The following KCNIP4 variants were observed in gnomAD, a reference collection of about 807,000 sequenced individuals.
KCNIP4 encodes the protein potassium voltage-gated channel interacting protein 4.
In KCNIP4, 12 loss-of-function variants were observed where a neutral mutation model predicts 34.0. That is an observed-to-expected ratio of 0.35 (90% CI 0.23 to 0.57). The LOEUF is 0.57. Among genes scored for constraint, KCNIP4 ranks in the 20% least tolerant of loss-of-function variants. KCNIP4 has a pLI of 0.83. For synonymous variants in KCNIP4, 124 were observed against 102.2 expected (o/e 1.21, Z -1.29); for missense variants, 238 against 311.7 (o/e 0.76, Z 1.78).
At chr4:21,488,504 G>C (rs182160207) in intron 1 of KCNIP4, among the ~76,000 whole-genome samples, 2 of 152,016 alleles carry the variant, frequency 1.3e-5, no homozygotes, top group African/African-American at 4.8e-5. Context: ...CAAATGAAAT[G>C]TCACAAAATT....
At chr4:21,528,544 A>G (rs999444888) in intron 1 of KCNIP4, among the ~76,000 whole-genome samples, 2 of 151,426 alleles carry the variant, frequency 1.3e-5, no homozygotes, top group African/African-American at 2.4e-5. Context: ...GCGGGCGCCT[A>G]TAGTCCCAGC....
chr4:20,857,044 TA>T (rs35194977), intron 2 of KCNIP4, among the ~76,000 whole-genome samples: 49,108 of 135,434 alleles, frequency 0.36, 8,505 homozygotes, highest in Middle Eastern at 0.43. Context: ...CATGCAGTAT[TA>T]AAAAAAAAAA....
In KCNIP4 at chr4:21,581,540, A is replaced by G. The variant is rs190269838; in HGVS notation, c.61+367031T>C. On this transcript the variant is annotated intron_variant, in intron 1 of 8. Transcript: ENST00000382152. Reference sequence around the variant, plus strand: ...AAGTCTCTGTAGAATCGGGAAAAGTATTTTCAAAGCCTCTGCTCCTTCATC... The same window carrying G: ...AAGTCTCTGTAGAATCGGGAAAAGTGTTTTCAAAGCCTCTGCTCCTTCATC... 7.8e-4 allele frequency among the ~76,000 whole-genome samples: 118 copies of G among 152,106 alleles called. 1 individual carries two copies. Among genetic ancestry groups the G allele is most frequent in the African/African-American group, 2.7e-3 (114 of 41,548 alleles).
At chr4:20,993,128 G>A (rs528236749) in intron 1 of KCNIP4, among the ~76,000 whole-genome samples, 54 of 151,786 alleles carry the variant, frequency 3.6e-4, no homozygotes, top group Admixed American at 2.8e-3. Context: ...CACTCTCTAA[G>A]GGCTACCTAT....
intron 1 of KCNIP4, among the ~76,000 whole-genome samples, chr4:21,796,328 C>T (rs145424854): frequency 6.6e-6 from 1 of 152,140 alleles, no homozygotes; most frequent in Non-Finnish European, 1.5e-5. Context: ...TTTCTCCCCT[C>T]CCTGTAAGTC....
chr4:21,590,195 C>T (rs1742082473), intron 1 of KCNIP4, among the ~76,000 whole-genome samples: 1 of 151,948 alleles, frequency 6.6e-6, no homozygotes, highest in African/African-American at 2.4e-5. Flanking sequence ...AGCTAGGCAG[C>T]TGGTGTCTCA....
At chr4:21,548,280 C>T (rs146677792) in intron 1 of KCNIP4, among the ~76,000 whole-genome samples, 17 of 152,090 alleles carry the variant, frequency 1.1e-4, no homozygotes, top group Admixed American at 2.6e-4. Flanking sequence ...ACTTGTAGTA[C>T]ATTTAATTTT....
At chr4:21,267,397 T>C (rs1349839143) in intron 1 of KCNIP4, among the ~76,000 whole-genome samples, 2 of 149,960 alleles carry the variant, frequency 1.3e-5, no homozygotes, top group African/African-American at 4.9e-5. Flanking sequence ...TGAATAGGAG[T>C]GGTGGGAGAG....
intron 1 of KCNIP4, among the ~76,000 whole-genome samples, chr4:21,395,488 C>T (rs1403708899): frequency 2.6e-5 from 4 of 152,072 alleles, no homozygotes; most frequent in Non-Finnish European, 5.9e-5. Context: ...AGTCACCTAG[C>T]TAGCTTGCTA....
intron 1 of KCNIP4, among the ~76,000 whole-genome samples, chr4:21,639,667 T>A (rs1416316650): frequency 1.3e-5 from 2 of 152,178 alleles, no homozygotes; most frequent in Non-Finnish European, 2.9e-5. Context: ...TGAAAACTTT[T>A]AAAAATATTG....
intron 2 of KCNIP4, among the ~76,000 whole-genome samples, chr4:20,865,058 G>C (rs956763076): frequency 6.6e-6 from 1 of 152,152 alleles, no homozygotes; most frequent in Admixed American, 6.6e-5. Context: ...TATCATATCT[G>C]AGCAATGTGA....
chr4:21,397,921 G>A (rs1035797863), intron 1 of KCNIP4, among the ~76,000 whole-genome samples: 8 of 152,176 alleles, frequency 5.3e-5, no homozygotes, highest in Non-Finnish European at 1.0e-4. Context: ...ACTGGGTACA[G>A]AAAATCTCGT....
chr4:21,650,515 A>G (rs1747404582), intron 1 of KCNIP4, among the ~76,000 whole-genome samples: 1 of 152,048 alleles, frequency 6.6e-6, no homozygotes, highest in Admixed American at 6.6e-5. Context: ...CCACTCTAGT[A>G]CTCTCTAAAT....
intron 1 of KCNIP4, among the ~76,000 whole-genome samples, chr4:21,841,560 T>C (rs1723677622): frequency 6.6e-6 from 1 of 152,156 alleles, no homozygotes; most frequent in South Asian, 2.1e-4. Context: ...AAGTGATCAC[T>C]GGCATCTGGC....
intron 1 of KCNIP4, among the ~76,000 whole-genome samples, chr4:21,708,986 A>G (rs957012860): frequency 6.6e-6 from 1 of 152,156 alleles, no homozygotes; most frequent in Non-Finnish European, 1.5e-5. Context: ...TTTTCTGCAG[A>G]TTAGTATTTT....
intron 1 of KCNIP4, among the ~76,000 whole-genome samples, chr4:21,096,360 T>A (rs955598704): frequency 1.3e-5 from 2 of 152,206 alleles, no homozygotes; most frequent in African/African-American, 4.8e-5. Flanking sequence ...GCAGATCTTA[T>A]CTCACTTGCA....
intron 1 of KCNIP4, among the ~76,000 whole-genome samples, chr4:21,060,573 C>G (rs549413237): frequency 3.1e-4 from 47 of 152,260 alleles, no homozygotes; most frequent in African/African-American, 1.1e-3. Flanking sequence ...GCAGTGGCTG[C>G]CCAGCCAAGA....
At position 20,728,984 on chromosome 4, in the gene KCNIP4, C is replaced by CTTA. The variant is rs1746936604; in HGVS notation, c.*1095_*1097dup. 1 of 152,192 alleles carries CTTA rather than the reference C, an allele frequency of 6.6e-6. No individual in the cohort carries two copies. The highest frequency in any genetic ancestry group is 2.4e-5 in the African/African-American group (1 of 41,412). The allele number at this position is 152,192 out of a possible 1,614,324, so 9.4% of individuals were successfully genotyped here. A position where few individuals can be genotyped will look rare whatever the true frequency, so the allele number is the denominator to read the frequency against. On this transcript the variant is annotated 3_prime_UTR_variant, in exon 9 of 9. Coordinates refer to ENST00000382152, the MANE Select transcript of KCNIP4 (RefSeq NM_025221.6). Reference sequence around the variant, plus strand: ...TGTAATCTGGATTAGTTGTTGAGCACTTATTTTCTACTAAATCTTGGTAGT... The same window carrying CTTA: ...TGTAATCTGGATTAGTTGTTGAGCACTTATTATTTTCTACTAAATCTTGGTAGT...
chr4:21,121,187 A>G (rs1038289355), intron 1 of KCNIP4, among the ~76,000 whole-genome samples: 2 of 152,172 alleles, frequency 1.3e-5, no homozygotes, highest in Non-Finnish European at 2.9e-5. Context: ...ACACAACCCC[A>G]GGTGACTCCT....
Sources: allele counts gnomAD v4.1 joint callset (sites outside exome capture counted in the v4.1 genomes callset), GRCh38; gene constraint gnomAD v4.1.1; transcripts MANE v1.5; gene names NCBI Gene and HGNC (gene_info 2026-07-23, HGNC 2026-07-21).